The following R3HDM1 variants were observed in gnomAD, a reference collection of about 807,000 sequenced individuals.
R3HDM1 encodes the protein R3H domain-containing protein 1.
In R3HDM1, 46 loss-of-function variants were observed where a neutral mutation model predicts 141.1. The observed-to-expected ratio is 0.33, with a 90% CI of 0.26 to 0.42. The LOEUF (loss-of-function observed/expected upper bound fraction) is 0.42, where lower values mean the gene tolerates loss of function less well. Among genes scored for constraint, R3HDM1 ranks in the 10% least tolerant of loss-of-function variants. R3HDM1 has a pLI of 1.00. For missense variants in R3HDM1, 1,184 were observed against 1,368.3 expected, an observed-to-expected ratio of 0.87 and a Z score of 2.12; for synonymous variants, 435 against 472.9, an observed-to-expected ratio of 0.92 and a Z score of 1.04.
chr2:135,618,755 G>A (rs907884057), intron 5 of R3HDM1, among the ~76,000 whole-genome samples: 5 of 151,850 alleles, frequency 3.3e-5, no homozygotes, highest in African/African-American at 1.2e-4. Context: ...ACAGTGGCTC[G>A]CGCCTGTAAT....
chr2:135,536,681 T>C (rs1182275062), intron 1 of R3HDM1: 1 of 969,102 alleles, frequency 1.0e-6, no homozygotes, highest in African/African-American at 1.8e-5. Flanking sequence ...GAAAGACAAA[T>C]ATAAATTACT....
intron 7 of R3HDM1, among the ~76,000 whole-genome samples, chr2:135,630,300 A>C (rs889130113): frequency 3.3e-4 from 48 of 145,750 alleles, no homozygotes; most frequent in Admixed American, 1.4e-3. Flanking sequence ...AAAAAAAAAA[A>C]AAAAAAAACA....
intron 19 of R3HDM1, among the ~76,000 whole-genome samples, chr2:135,664,479 TAAAG>T (rs2067207018): frequency 6.6e-6 from 1 of 152,210 alleles, no homozygotes; most frequent in Non-Finnish European, 1.5e-5. Flanking sequence ...TATTTGAACT[TAAAG>T]AAATTTTGCC....
chr2:135,615,702 A>C (rs2060963004), intron 3 of R3HDM1, among the ~76,000 whole-genome samples: 1 of 152,162 alleles, frequency 6.6e-6, no homozygotes, highest in Admixed American at 6.5e-5. Flanking sequence ...TTGGACTCTG[A>C]CTTACTGTGC....
At chr2:135,602,044 T>A (rs2059665244) in intron 1 of R3HDM1, among the ~76,000 whole-genome samples, 1 of 152,012 alleles carries the variant, frequency 6.6e-6, no homozygotes, top group Non-Finnish European at 1.5e-5. Context: ...TTTTGTTTTA[T>A]TTTTTCTTTT....
intron 24 of R3HDM1, among the ~76,000 whole-genome samples, chr2:135,715,996 T>C (rs1415660903): frequency 6.6e-6 from 1 of 152,262 alleles, no homozygotes. Context: ...CTACATTTTT[T>C]CGGTATTTTA....
intron 3 of R3HDM1, among the ~76,000 whole-genome samples, chr2:135,609,805 G>T (rs1411184350): frequency 6.6e-6 from 1 of 152,102 alleles, no homozygotes; most frequent in African/African-American, 2.4e-5. Flanking sequence ...CTTTGAGGAA[G>T]GCTAAGGCAA....
intron 21 of R3HDM1, among the ~76,000 whole-genome samples, chr2:135,686,189 G>C (rs1184642843): frequency 6.6e-6 from 1 of 151,998 alleles, no homozygotes; most frequent in Non-Finnish European, 1.5e-5. Context: ...ATAAGGATGT[G>C]GAAAAAAGGG....
intron 3 of R3HDM1, among the ~76,000 whole-genome samples, chr2:135,614,430 C>T (rs1411873888): frequency 1.3e-5 from 2 of 152,166 alleles, no homozygotes; most frequent in Non-Finnish European, 2.9e-5. Context: ...ATTTATGACA[C>T]ACTTTAGAGT....
At chr2:135,706,093 C>T (rs1021306968) in intron 21 of R3HDM1, among the ~76,000 whole-genome samples, 25 of 150,036 alleles carry the variant, frequency 1.7e-4, no homozygotes, top group African/African-American at 6.1e-4. Flanking sequence ...TGCGCCACTG[C>T]ACTCCAGCCT....
chr2:135,565,434 C>T (rs972247416), intron 1 of R3HDM1, among the ~76,000 whole-genome samples: 11 of 150,708 alleles, frequency 7.3e-5, no homozygotes, highest in African/African-American at 2.7e-4. Flanking sequence ...TCAAGGAATC[C>T]TTCTGCCTTA....
At position 135,709,461 on chromosome 2, in the gene R3HDM1, G is replaced by C. The variant is rs1263834497; in HGVS notation, c.2488G>C (p.Gly830Arg). ...TTCAGTAGGTTACCTGCAACATCCA[G>C]GATCAGAACAAGTACAATTTCCTCG... The part of the protein sequence containing the change: ...SSSVGYLQHP[G>R]SEQVQFPRTT... Residue 830 changes from glycine to arginine, a missense_variant, in exon 22 of 27, where the codon GGA becomes CGA. Physicochemically the swap from Gly to Arg is moderately radical, Grantham distance 125 (BLOSUM62 -2). Transcript: ENST00000683871. The C allele has an allele frequency of 6.2e-7, 1 of 1,614,092 alleles. No homozygotes were observed. The highest frequency in any genetic ancestry group is 1.7e-5 in the Admixed American group (1 of 59,992).
intron 23 of R3HDM1, among the ~76,000 whole-genome samples, chr2:135,713,183 C>G (rs1446549355): frequency 1.3e-5 from 2 of 152,094 alleles, no homozygotes; most frequent in African/African-American, 4.8e-5. Context: ...GCCTAGGTAA[C>G]AGAGTGAGAC....
At chr2:135,651,636 A>G in intron 17 of R3HDM1, 94 bp from the exon 18 acceptor site, 3 of 1,481,034 alleles carry the variant, frequency 2.0e-6, no homozygotes, top group South Asian at 1.5e-5. Flanking sequence ...AATGTGTACT[A>G]TTGCATCTTA....
intron 3 of R3HDM1, among the ~76,000 whole-genome samples, chr2:135,611,926 T>G (rs1222870804): frequency 2.0e-5 from 3 of 152,204 alleles, no homozygotes; most frequent in Non-Finnish European, 4.4e-5. Context: ...ACATCACCAG[T>G]GGGATGGGAT....
chr2:135,703,669 T>G (rs2074524582), intron 21 of R3HDM1, among the ~76,000 whole-genome samples: 1 of 152,188 alleles, frequency 6.6e-6, no homozygotes. Flanking sequence ...AGCTATAAAT[T>G]AATGCTTTTA....
intron 1 of R3HDM1, among the ~76,000 whole-genome samples, chr2:135,555,784 G>C (rs1369906490): frequency 6.6e-6 from 1 of 152,194 alleles, no homozygotes; most frequent in Non-Finnish European, 1.5e-5. Flanking sequence ...CTAGCACTTT[G>C]AGATGCCAAG....
chr2:135,712,262 C>G (rs1456685757), intron 23 of R3HDM1, among the ~76,000 whole-genome samples: 3 of 151,944 alleles, frequency 2.0e-5, no homozygotes, highest in African/African-American at 4.8e-5. Context: ...GCAGCCTCAA[C>G]CTCCTGGGCT....
chr2:135,574,679 C>A (rs1015811642), intron 1 of R3HDM1, among the ~76,000 whole-genome samples: 1 of 152,158 alleles, frequency 6.6e-6, no homozygotes, highest in African/African-American at 2.4e-5. Context: ...TTAGGATACT[C>A]ATTAACATAC....
Sources: allele counts gnomAD v4.1 joint callset (sites outside exome capture counted in the v4.1 genomes callset), GRCh38; gene constraint gnomAD v4.1.1; transcripts MANE v1.5; gene names NCBI Gene and HGNC (gene_info 2026-07-23, HGNC 2026-07-21).